KIF1A: variants seen among roughly 807,000 people sequenced by gnomAD.
KIF1A encodes kinesin-like protein KIF1A.
A neutral mutation model predicts 227.3 loss-of-function variants in KIF1A; 46 were observed. The ratio of observed to expected loss-of-function variants is 0.20; its 90% CI spans 0.16 to 0.26. KIF1A has a LOEUF of 0.26. Ranked by LOEUF, KIF1A falls within the 10% of genes least tolerant of loss-of-function variation. The pLI is 1.00. For missense variants in KIF1A, 1,683 were observed against 2,485.9 expected, an observed-to-expected ratio of 0.68 and a Z score of 6.87; for synonymous variants, 1,022 against 1,012.8, an observed-to-expected ratio of 1.01 and a Z score of -0.17.
intron 1 of KIF1A, among the ~76,000 whole-genome samples, chr2:240,799,777 A>G (rs1199753545): frequency 6.6e-6 from 1 of 152,212 alleles, no homozygotes; most frequent in African/African-American, 2.4e-5. Flanking sequence ...TGGGCCTTTA[A>G]GAAGGTCTGT....
chr2:240,773,929 C>A (rs997106038), intron 12 of KIF1A, among the ~76,000 whole-genome samples: 1 of 152,210 alleles, frequency 6.6e-6, no homozygotes. Context: ...ACAGCTCTCC[C>A]AGTCTGGTGC....
chr2:240,797,597 GC>G (rs1411267898), intron 2 of KIF1A, 49 bp downstream of exon 2: 3 of 1,320,310 alleles, frequency 2.3e-6, no homozygotes, highest in Non-Finnish European at 2.2e-6. Context: ...CAGGACCATG[GC>G]CCCCAGCAAC....
Position 240,739,707 on chromosome 2 carries a change from CAG to C in KIF1A, c.3901+349_3901+350del, listed in dbSNP as rs762176057. Among the ~76,000 whole-genome samples, 2 of 152,020 alleles carry C rather than the reference CAG, an allele frequency of 1.3e-5. No individual in the cohort carries two copies. Among genetic ancestry groups the C allele is most frequent in the African/African-American group, 4.8e-5 (2 of 41,360 alleles). On this transcript the variant is annotated intron_variant, in intron 37 of 48. Coordinates refer to ENST00000498729, the MANE Select transcript of KIF1A (RefSeq NM_001244008.2). This position sits in a 1 kb window ranked among gnomAD's most constrained non-coding sequence, Gnocchi z 5.6. ...GGGAGGGATTTTCCCCAACAGGTTTCAGAGAGAGAGAGCGCGCCTCTTGCCGG... is the reference window on the plus strand; with the variant it reads ...GGGAGGGATTTTCCCCAACAGGTTTCAGAGAGAGAGCGCGCCTCTTGCCGG...
chr2:240,759,669 C>T (rs899042076), intron 25 of KIF1A, among the ~76,000 whole-genome samples: 1 of 152,156 alleles, frequency 6.6e-6, no homozygotes, highest in Admixed American at 6.6e-5. Context: ...TTCAACTCCC[C>T]CACTGATGGC....
At chr2:240,750,685 G>T in intron 27 of KIF1A, 138 bp from the exon 28 acceptor site, 1 of 659,602 alleles carries the variant, frequency 1.5e-6, no homozygotes, top group Admixed American at 2.4e-5. Context: ...GACAGCCAAG[G>T]CCAGGACAGC....
intron 1 of KIF1A, among the ~76,000 whole-genome samples, chr2:240,800,796 AGGGTCCTCCG>A (rs1338845301): frequency 1.3e-5 from 2 of 152,258 alleles, no homozygotes; most frequent in African/African-American, 4.8e-5. Context: ...ATTTGAGTTC[AGGGTCCTCCG>A]GGAGGAGAAT....
intron 38 of KIF1A, among the ~76,000 whole-genome samples, chr2:240,728,021 A>G (rs965114800): frequency 6.6e-6 from 1 of 152,124 alleles, no homozygotes; most frequent in Non-Finnish European, 1.5e-5. Flanking sequence ...GCTCCCCTCC[A>G]AGCATCCTCG....
chr2:240,792,240 C>T lies in KIF1A; in HGVS notation c.107-2928G>A, dbSNP rs1235627019. On this transcript the variant is annotated intron_variant, in intron 2 of 48. Coordinates refer to ENST00000498729, the MANE Select transcript of KIF1A (RefSeq NM_001244008.2). The surrounding 1 kb of genome is among the most constrained non-coding windows in gnomAD (Gnocchi z 4.5). The stretch of plus-strand genomic sequence containing the variant: ...GCAGCCTGCTTCTCACAGAGACCTC[C>T]CCGATTCTGCTGGAGAAAGGGCTTT... Among the ~76,000 whole-genome samples the T allele has an allele frequency of 2.0e-5, 3 of 152,164 alleles. No individual in the cohort carries two copies. The highest frequency in any genetic ancestry group is 4.4e-5 in the Non-Finnish European group (3 of 68,034).
In KIF1A at chr2:240,721,802, C is replaced by T. The variant is rs756206068; in HGVS notation, c.4743+5G>A. The T allele has an allele frequency of 6.9e-6, 11 of 1,601,698 alleles. No homozygotes were observed. Among genetic ancestry groups the T allele is most frequent in the Non-Finnish European group, 9.3e-6 (11 of 1,178,008 alleles). On this transcript the variant is annotated splice_donor_5th_base_variant and intron_variant, in intron 44 of 48. Transcript: ENST00000498729. Reference sequence around the variant, plus strand: ...GGCAGCCTGGTGCAGCCCCTCTGCACCCACCTTGCTCTCGCTGGCACTGAC... The same window carrying T: ...GGCAGCCTGGTGCAGCCCCTCTGCATCCACCTTGCTCTCGCTGGCACTGAC...
intron 6 of KIF1A, among the ~76,000 whole-genome samples, chr2:240,785,477 C>T (rs1001731408): frequency 5.9e-4 from 90 of 152,314 alleles, no homozygotes; most frequent in East Asian, 1.9e-4. Flanking sequence ...GGCCCACACC[C>T]GCGGCTCTGG....
chr2:240,812,861 G>GGCA (rs2057999852), intron 1 of KIF1A, among the ~76,000 whole-genome samples: 1 of 146,744 alleles, frequency 6.8e-6, no homozygotes, highest in Admixed American at 6.8e-5. Context: ...CCTTCACCTC[G>GGCA]GGGATCAGCC....
intron 37 of KIF1A, 71 bp from the exon 38 acceptor site, chr2:240,737,239 T>G (rs2047439730): frequency 1.7e-6 from 2 of 1,194,686 alleles, no homozygotes; most frequent in Non-Finnish European, 2.5e-6. Context: ...CTGCCTCAGG[T>G]GGGGGTCCTG....
chr2:240,732,501 G>T (rs2046823333), intron 38 of KIF1A, among the ~76,000 whole-genome samples: 1 of 139,924 alleles, frequency 7.1e-6, no homozygotes, highest in African/African-American at 2.7e-5. Flanking sequence ...GTGAGAGGAG[G>T]AGGAATTGAG....
rs116337810 is a variant in KIF1A, at chr2:240,778,942, G to A, written c.883-3016C>T. On this transcript the variant is annotated intron_variant, in intron 10 of 48. Transcript: ENST00000498729. The surrounding 1 kb of genome is among the most constrained non-coding windows in gnomAD (Gnocchi z 7.2). Reference sequence around the variant, plus strand: ...CAGGCCATTCGCCCGTGTGCACCCCGTTCCTACACACAGCGCTCCACACGG... The same window carrying A: ...CAGGCCATTCGCCCGTGTGCACCCCATTCCTACACACAGCGCTCCACACGG... 0.011 allele frequency among the ~76,000 whole-genome samples: 1,647 copies of A among 151,758 alleles called. 21 individuals are homozygous for A. The highest frequency in any genetic ancestry group is 0.036 in the African/African-American group (1,482 of 41,290).
chr2:240,799,979 G>A lies in KIF1A; in HGVS notation c.-60-2167C>T, dbSNP rs191584982. On this transcript the variant is annotated intron_variant, in intron 1 of 48. Coordinates refer to ENST00000498729, the MANE Select transcript of KIF1A (RefSeq NM_001244008.2). ...TGTTCAATGGAATTTGGCAGGATAA[G>A]AGAATTTTGAAAAATGAGAACAAAG... Among the ~76,000 whole-genome samples, 8 of 152,218 alleles carry A rather than the reference G, an allele frequency of 5.3e-5. No individual in the cohort carries two copies. The East Asian group carries it at 1.5e-3, about 29-fold the overall frequency.
At chr2:240,718,974 G>A (rs2044917386) in intron 47 of KIF1A, 32 bp downstream of exon 47, 3 of 1,563,716 alleles carry the variant, frequency 1.9e-6, no homozygotes, top group Non-Finnish European at 2.6e-6. Context: ...TAGGGTTCCT[G>A]GTGCCCGAGC....
intron 2 of KIF1A, 62 bp downstream of exon 2, chr2:240,797,585 C>A: frequency 8.4e-7 from 1 of 1,192,036 alleles, no homozygotes; most frequent in Non-Finnish European, 1.2e-6. Flanking sequence ...GGCCCATAGG[C>A]ACAGGACCAT....
At position 240,758,881 on chromosome 2, in the gene KIF1A, G is replaced by A. The variant is rs7598218; in HGVS notation, c.2445-384C>T. 0.45 allele frequency among the ~76,000 whole-genome samples: 68,569 copies of A among 152,014 alleles called. 16,730 individuals carry two copies. Among genetic ancestry groups the A allele is most frequent in the African/African-American group, 0.65 (26,831 of 41,412 alleles). ...TCAGGCCACAGAGGCGCAAGAGCTCGAGGAATAAAGGGCAAACTGGGGGTA... is the reference window on the plus strand; with the variant it reads ...TCAGGCCACAGAGGCGCAAGAGCTCAAGGAATAAAGGGCAAACTGGGGGTA... On this transcript the variant is annotated intron_variant, in intron 25 of 48. Coordinates refer to ENST00000498729, the MANE Select transcript of KIF1A (RefSeq NM_001244008.2). This position sits in a 1 kb window ranked among gnomAD's most constrained non-coding sequence, Gnocchi z 5.2.
At chr2:240,733,272 T>A (rs2046962405) in intron 38 of KIF1A, among the ~76,000 whole-genome samples, 1 of 151,992 alleles carries the variant, frequency 6.6e-6, no homozygotes, top group African/African-American at 2.4e-5. Context: ...CAGACCCAGA[T>A]CTTTCCGAGC....
Sources: gnomAD v4.1 joint callset for allele counts (sites outside exome capture counted in the v4.1 genomes callset) on GRCh38, gnomAD v4.1.1 for gene constraint, Gnocchi (gnomAD v3.1) non-coding constraint, MANE v1.5 for transcripts, NCBI Gene and HGNC (gene_info 2026-07-23, HGNC 2026-07-21) for gene names.